HCAR1: variants seen among roughly 807,000 people sequenced by gnomAD.
HCAR1 encodes G protein-coupled receptor 104.
For missense variants in HCAR1, 445 were observed against 448.7 expected, an observed-to-expected ratio of 0.99 and a Z score of 0.07; for synonymous variants, 183 against 182.1, an observed-to-expected ratio of 1.01 and a Z score of -0.04.
rs772548495 is a variant in HCAR1, at chr12:122,730,129, GA to G, written c.210del (p.Arg71GlyfsTer27). On this transcript the variant is annotated frameshift_variant, in exon 1 of 1. Coordinates refer to ENST00000432564, the MANE Select transcript of HCAR1 (RefSeq NM_032554.4). LOFTEE classifies it low-confidence loss of function (END_TRUNC). Reference sequence around the variant, plus strand: ...CTACGTCTGAGGTAATAGTCTGTCCGAAAAGGCAGGCAGATCATAAGGAGGA... The same window carrying G: ...CTACGTCTGAGGTAATAGTCTGTCCGAAAGGCAGGCAGATCATAAGGAGGA... ...ADFLLMICLP[F>X]RTDYYLRRRH... 30 of 1,614,082 alleles carry G rather than the reference GA, an allele frequency of 1.9e-5. 1 individual carries two copies. Among genetic ancestry groups the G allele is most frequent in the Non-Finnish European group, 2.5e-5 (29 of 1,179,998 alleles).
In HCAR1 at chr12:122,729,205, A is replaced by G; in HGVS notation, c.*94T>C. ...GTGCGAGAAGCCGTCTTGCAATAAGAAAGGGGGGTGGCATTTTCAAAGCCC... is the reference window on the plus strand; with the variant it reads ...GTGCGAGAAGCCGTCTTGCAATAAGGAAGGGGGGTGGCATTTTCAAAGCCC... On this transcript the variant is annotated 3_prime_UTR_variant, in exon 1 of 1. Transcript: ENST00000432564. 1.8e-6 allele frequency: 2 copies of G among 1,134,568 alleles called. No homozygotes were observed. The highest frequency in any genetic ancestry group is 2.6e-6 in the Non-Finnish European group (2 of 783,336). 70.3% of individuals were successfully genotyped at this position (1,134,568 alleles called of 1,614,324 possible).
At position 122,730,190 on chromosome 12, in the gene HCAR1, G is replaced by T. The variant is rs1270575179; in HGVS notation, c.150C>A (p.Ser50Arg). 1 of 1,614,090 alleles carries T rather than the reference G, an allele frequency of 6.2e-7. No individual in the cohort carries two copies. The highest frequency in any genetic ancestry group is 8.5e-7 in the Non-Finnish European group (1 of 1,180,044). Residue 50 changes from serine (S) to arginine (R), a missense_variant, in exon 1 of 1, where the codon AGC (serine) becomes AGA (arginine). Physicochemically the swap from Ser to Arg is moderately radical, Grantham distance 110 (BLOSUM62 -1). Transcript: ENST00000432564. ...CGGCCAAATTGAAAAGGTAAACAGT[G>T]CTGGGCTTCCAGGTCTTCATGTGGA... ...FCFHMKTWKPSTVYLFNLAVA... is the reference protein window; with the variant it reads ...FCFHMKTWKPRTVYLFNLAVA...
Position 122,730,265 on chromosome 12 carries a change from G to A in HCAR1, c.75C>T (p.Ala25=). The change falls in exon 1 of 1, where the codon GCC becomes GCT. Residue 25 remains alanine, a synonymous_variant. Transcript: ENST00000432564. ...CATTGCCTAGTGCGCCCAGCACAAA[G>A]GCCACAATGAGCAGCGGCGGCATCA... ...SQVMPPLLIV[A]FVLGALGNGV... 6.2e-7 allele frequency: 1 copy of A among 1,610,292 alleles called. No individual in the cohort carries two copies. The highest frequency in any genetic ancestry group is 8.5e-7 in the Non-Finnish European group (1 of 1,177,598).
rs1877915536 is a variant in HCAR1, at chr12:122,730,328, CCCGTTG to C, written c.6_11del (p.Tyr2_Gly4delinsTer). The C allele has an allele frequency of 6.3e-7, 1 of 1,578,990 alleles. No individual in the cohort carries two copies. The highest frequency in any genetic ancestry group is 1.3e-5 in the African/African-American group (1 of 74,108). On this transcript the variant is annotated stop_gained and inframe_deletion, in exon 1 of 1. Transcript: ENST00000432564. LOFTEE classifies it low-confidence loss of function (END_TRUNC). Reference sequence around the variant, plus strand: ...TGTCCCCCTCGATGCGGCAGCACGACCCGTTGTACATGGCGGGGACAGAGCAAGTGT... The same window carrying C: ...TGTCCCCCTCGATGCGGCAGCACGACTACATGGCGGGGACAGAGCAAGTGT...
In HCAR1 at chr12:122,728,139, A is replaced by G. The variant is rs1275989078; in HGVS notation, c.*1160T>C. On this transcript the variant is annotated 3_prime_UTR_variant, in exon 1 of 1. Transcript: ENST00000432564. ...AGAGTTGACTAATGACCCTCCACTA[A>G]AAATTACACAGTATACTGCCTGCCA... 6.6e-6 allele frequency: 1 copy of G among 152,148 alleles called. No individual in the cohort carries two copies. The highest frequency in any genetic ancestry group is 1.5e-5 in the Non-Finnish European group (1 of 68,032). The allele number at this position is 152,148 out of a possible 1,614,324, so 9.4% of individuals were successfully genotyped here.
Position 122,729,773 on chromosome 12 carries a change from G to A in HCAR1, c.567C>T (p.Leu189=), listed in dbSNP as rs376543632. 2.3e-4 allele frequency: 369 copies of A among 1,611,592 alleles called. 4 individuals carry two copies. In the South Asian group the frequency reaches 3.5e-3, roughly 15 times the overall value. ...IMFQLEFFMP[L]GIILFCSFKI... Reference sequence around the variant, plus strand: ...TGAAGGAGCAAAATAAGATGATGCCGAGGGGCATAAAGAACTCCAGCTGGA... The same window carrying A: ...TGAAGGAGCAAAATAAGATGATGCCAAGGGGCATAAAGAACTCCAGCTGGA... Residue 189 remains leucine (L), a synonymous_variant, in exon 1 of 1, where the codon CTC becomes CTT. Coordinates refer to ENST00000432564, the MANE Select transcript of HCAR1 (RefSeq NM_032554.4).
Position 122,730,267 on chromosome 12 carries a change from C to A in HCAR1, c.73G>T (p.Ala25Ser). 1 of 1,609,660 alleles carries A rather than the reference C, an allele frequency of 6.2e-7. No homozygotes were observed. The highest frequency in any genetic ancestry group is 8.5e-7 in the Non-Finnish European group (1 of 1,177,220). The change falls in exon 1 of 1, where the codon GCC (alanine) becomes TCC (serine). Residue 25 changes from alanine (A) to serine (S), a missense_variant. Coordinates refer to ENST00000432564, the MANE Select transcript of HCAR1 (RefSeq NM_032554.4). The stretch of plus-strand genomic sequence containing the variant: ...TTGCCTAGTGCGCCCAGCACAAAGG[C>A]CACAATGAGCAGCGGCGGCATCACC... ...SQVMPPLLIV[A>S]FVLGALGNGV...
rs934504890 is a variant in HCAR1 at position 122,727,305 on chromosome 12, A to C, written c.*1994T>G. 3 of 152,144 alleles carry C rather than the reference A, an allele frequency of 2.0e-5. No individual in the cohort carries two copies. The highest frequency in any genetic ancestry group is 7.2e-5 in the African/African-American group (3 of 41,400). The allele number at this position is 152,144 out of a possible 1,614,324, so 9.4% of individuals were successfully genotyped here. A position where few individuals can be genotyped will look rare whatever the true frequency, so the allele number is the denominator to read the frequency against. The stretch of plus-strand genomic sequence containing the variant: ...GTCTAAAAACACAAGCTGCCCTAAG[A>C]TCACAGGCCTAGTAAATGCTTGAGC... On this transcript the variant is annotated 3_prime_UTR_variant, in exon 1 of 1. Coordinates refer to ENST00000432564, the MANE Select transcript of HCAR1 (RefSeq NM_032554.4).
Position 122,729,745 on chromosome 12 carries a change from T to C in HCAR1, c.595A>G (p.Ile199Val). ...TGCCTCCGCCTCAGGCTCCAAACAA[T>C]CTTGAAGGAGCAAAATAAGATGATG... ...LGIILFCSFKIVWSLRRRQQL... is the reference protein window; with the variant it reads ...LGIILFCSFKVVWSLRRRQQL... The change falls in exon 1 of 1, where the codon ATT becomes GTT. Residue 199 changes from isoleucine to valine, a missense_variant. Coordinates refer to ENST00000432564, the MANE Select transcript of HCAR1 (RefSeq NM_032554.4). The C allele has an allele frequency of 6.2e-7, 1 of 1,612,946 alleles. No homozygotes were observed.
rs937425004 is a variant in HCAR1 at position 122,727,795 on chromosome 12, A to G, written c.*1504T>C. 1 of 152,196 alleles carries G rather than the reference A, an allele frequency of 6.6e-6. No homozygotes were observed. The allele number at this position is 152,196 out of a possible 1,614,324, so 9.4% of individuals were successfully genotyped here. ...GTTGGCAAGGTTCTTAAGTGGGTAGAGTATCCTGGGCATTTGAGAGAGTAT... is the reference window on the plus strand; with the variant it reads ...GTTGGCAAGGTTCTTAAGTGGGTAGGGTATCCTGGGCATTTGAGAGAGTAT... On this transcript the variant is annotated 3_prime_UTR_variant, in exon 1 of 1. Coordinates refer to ENST00000432564, the MANE Select transcript of HCAR1 (RefSeq NM_032554.4).
chr12:122,730,543 G>T lies in HCAR1; in HGVS notation c.-204C>A. ...GCCAGGAAATGAGAGACCCAGGGAGGTCCTTTCTCTGGAGCCCGTCTCACA... is the reference window on the plus strand; with the variant it reads ...GCCAGGAAATGAGAGACCCAGGGAGTTCCTTTCTCTGGAGCCCGTCTCACA... On this transcript the variant is annotated 5_prime_UTR_variant, in exon 1 of 1. Coordinates refer to ENST00000432564, the MANE Select transcript of HCAR1 (RefSeq NM_032554.4). 2.2e-6 allele frequency: 1 copy of T among 451,822 alleles called. No homozygotes were observed. The highest frequency in any genetic ancestry group is 2.0e-5 in the African/African-American group (1 of 49,652). 28.0% of individuals were successfully genotyped at this position (451,822 alleles called of 1,614,324 possible).
chr12:122,729,984 T>A lies in HCAR1; in HGVS notation c.356A>T (p.His119Leu). ...GATAGTGTTCACCGCGTGGTGGGGG[T>A]GGACCACTTTGAAATACCTGTCCGC... Reference protein sequence around the residue: ...VAADRYFKVVHPHHAVNTIST... With the variant: ...VAADRYFKVVLPHHAVNTIST... The change falls in exon 1 of 1, where the codon CAC becomes CTC. Residue 119 changes from histidine (H) to leucine (L), a missense_variant. Coordinates refer to ENST00000432564, the MANE Select transcript of HCAR1 (RefSeq NM_032554.4). The A allele has an allele frequency of 6.2e-7, 1 of 1,613,676 alleles. No individual in the cohort carries two copies.
rs982363366 is a variant in HCAR1 at position 122,726,545 on chromosome 12, T to C, written c.*2754A>G. 6 of 152,160 alleles carry C rather than the reference T, an allele frequency of 3.9e-5. No homozygotes were observed. The highest frequency in any genetic ancestry group is 7.3e-5 in the Non-Finnish European group (5 of 68,038). 9.4% of individuals were successfully genotyped at this position (152,160 alleles called of 1,614,324 possible). ...ATGTACATTCATTTAAACTGCCCAA[T>C]GACACACTGAGGTTGTATTACAGTA... On this transcript the variant is annotated 3_prime_UTR_variant, in exon 1 of 1. Transcript: ENST00000432564.
Position 122,730,700 on chromosome 12 carries a change from G to A in HCAR1, c.-361C>T, listed in dbSNP as rs1877928998. The A allele has an allele frequency of 4.9e-6, 1 of 202,432 alleles. No individual in the cohort carries two copies. The highest frequency in any genetic ancestry group is 2.3e-5 in the African/African-American group (1 of 43,190). The allele number at this position is 202,432 out of a possible 1,614,324, so 12.5% of individuals were successfully genotyped here. On this transcript the variant is annotated 5_prime_UTR_variant, in exon 1 of 1. Coordinates refer to ENST00000432564, the MANE Select transcript of HCAR1 (RefSeq NM_032554.4). Reference sequence around the variant, plus strand: ...CCGATGAGATTGATGCCGTAGAGGAGCGATTGGGTCCAGCGCCAGAGTAAT... The same window carrying A: ...CCGATGAGATTGATGCCGTAGAGGAACGATTGGGTCCAGCGCCAGAGTAAT...
In HCAR1 at chr12:122,730,445, ACTT is replaced by A. The variant is rs1291767853; in HGVS notation, c.-109_-107del. On this transcript the variant is annotated 5_prime_UTR_variant, in exon 1 of 1. Coordinates refer to ENST00000432564, the MANE Select transcript of HCAR1 (RefSeq NM_032554.4). The stretch of plus-strand genomic sequence containing the variant: ...CACTCACCCAGCTGCTGCGTGTCTG[ACTT>A]CATCACCCAGGATGCGGGTCCTGTG... 3 of 863,750 alleles carry A rather than the reference ACTT, an allele frequency of 3.5e-6. No homozygotes were observed. The highest frequency in any genetic ancestry group is 3.5e-6 in the Non-Finnish European group (2 of 575,478). 53.5% of individuals were successfully genotyped at this position (863,750 alleles called of 1,614,324 possible). A position where few individuals can be genotyped will look rare whatever the true frequency, so the allele number is the denominator to read the frequency against.
At position 122,726,319 on chromosome 12, in the gene HCAR1, T is replaced by G. The variant is rs1053386766; in HGVS notation, c.*2980A>C. ...CGCTCTAAACCCCAAAGGAAATGCTTTCTTGCCTCCATTTCTTTATATGTA... is the reference window on the plus strand; with the variant it reads ...CGCTCTAAACCCCAAAGGAAATGCTGTCTTGCCTCCATTTCTTTATATGTA... On this transcript the variant is annotated 3_prime_UTR_variant, in exon 1 of 1. Transcript: ENST00000432564. 6.6e-6 allele frequency: 1 copy of G among 152,208 alleles called. No homozygotes were observed. The highest frequency in any genetic ancestry group is 1.5e-5 in the Non-Finnish European group (1 of 68,024). 9.4% of individuals were successfully genotyped at this position (152,208 alleles called of 1,614,324 possible).
chr12:122,729,795 T>C lies in HCAR1; in HGVS notation c.545A>G (p.Gln182Arg), dbSNP rs1342830881. ...GCCGAGGGGCATAAAGAACTCCAGC[T>C]GGAACATGATGTCATGCCAGCCATT... ...SANGWHDIMFQLEFFMPLGII... is the reference protein window; with the variant it reads ...SANGWHDIMFRLEFFMPLGII... Residue 182 changes from glutamine (Q) to arginine (R), a missense_variant, in exon 1 of 1, where the codon CAG becomes CGG. By Grantham distance (43) the Gln-to-Arg change is conservative. Transcript: ENST00000432564. The C allele has an allele frequency of 1.2e-6, 2 of 1,609,958 alleles. No individual in the cohort carries two copies. Among genetic ancestry groups the C allele is most frequent in the Middle Eastern group, 3.3e-4 (2 of 6,060 alleles).
Position 122,730,272 on chromosome 12 carries a change from A to G in HCAR1, c.68T>C (p.Ile23Thr), listed in dbSNP as rs778493102. 1.3e-5 allele frequency: 21 copies of G among 1,608,672 alleles called. No individual in the cohort carries two copies. Among genetic ancestry groups the G allele is most frequent in the East Asian group, 2.2e-5 (1 of 44,772 alleles). ...TISQVMPPLL[I>T]VAFVLGALGN... ...TAGTGCGCCCAGCACAAAGGCCACA[A>G]TGAGCAGCGGCGGCATCACCTGGGA... is the stretch of plus-strand genomic sequence containing the variant. The change falls in exon 1 of 1, where the codon ATT becomes ACT. Residue 23 changes from isoleucine (I) to threonine (T), a missense_variant. By Grantham distance (89) the Ile-to-Thr change is moderately conservative (BLOSUM62 -1). Transcript: ENST00000432564.
chr12:122,727,656 G>A lies in HCAR1; in HGVS notation c.*1643C>T, dbSNP rs1199315789. Reference sequence around the variant, plus strand: ...CTAATTTTGAATTTTTAGTAGAGACGAGGTTTCTCCATGTTGGTCAGGCTG... The same window carrying A: ...CTAATTTTGAATTTTTAGTAGAGACAAGGTTTCTCCATGTTGGTCAGGCTG... On this transcript the variant is annotated 3_prime_UTR_variant, in exon 1 of 1. Transcript: ENST00000432564. The A allele has an allele frequency of 1.3e-5, 2 of 152,222 alleles. No individual in the cohort carries two copies. The highest frequency in any genetic ancestry group is 2.1e-4 in the South Asian group (1 of 4,830). The allele number at this position is 152,222 out of a possible 1,614,324, so 9.4% of individuals were successfully genotyped here. A position where few individuals can be genotyped will look rare whatever the true frequency, so the allele number is the denominator to read the frequency against.
Sources: allele counts gnomAD v4.1 joint callset, GRCh38; gene constraint gnomAD v4.1.1; transcripts MANE v1.5; gene names NCBI Gene and HGNC (gene_info 2026-07-23, HGNC 2026-07-21).